Variants in POLR1B observed in about 807,000 individuals in gnomAD.
POLR1B encodes RNA polymerase I subunit B.
POLR1B carries 30 observed loss-of-function variants against 105.8 expected under a neutral mutation model. The ratio of observed to expected loss-of-function variants is 0.28; its 90% CI spans 0.21 to 0.38. The LOEUF (loss-of-function observed/expected upper bound fraction) is 0.38. Ranked by LOEUF, POLR1B falls within the 10% of genes least tolerant of loss-of-function variation. POLR1B has a pLI of 1.00. For synonymous variants in POLR1B, 485 were observed against 505.1 expected (o/e 0.96, Z 0.53); for missense variants, 976 against 1,435.8 (o/e 0.68, Z 5.17).
intron 10 of POLR1B, among the ~76,000 whole-genome samples, chr2:112,566,166 T>A (rs1684263168): frequency 6.6e-6 from 1 of 152,226 alleles, no homozygotes; most frequent in Admixed American, 6.5e-5. Flanking sequence ...TTTTGCTTCC[T>A]CATGATGAGA....
At chr2:112,542,817 A>G in intron 1 of POLR1B, 146 bp downstream of exon 1, 3 of 1,006,570 alleles carry the variant, frequency 3.0e-6, no homozygotes, top group South Asian at 1.6e-5. Context: ...CATGTTAAAC[A>G]GGACGCGGTA....
At chr2:112,574,705 G>C (rs1243179657) in intron 14 of POLR1B, 142 bp from the exon 15 acceptor site, 2 of 775,524 alleles carry the variant, frequency 2.6e-6, no homozygotes, top group Non-Finnish European at 3.8e-6. Flanking sequence ...CTGGGCAACA[G>C]AGTGAGACCC....
chr2:112,565,366 C>A (rs1447276604), intron 10 of POLR1B, among the ~76,000 whole-genome samples: 1 of 152,058 alleles, frequency 6.6e-6, no homozygotes, highest in East Asian at 1.9e-4. Flanking sequence ...TTCTTTTGAA[C>A]CATTTGAGAG....
chr2:112,571,308 A>C (rs1388417445), intron 12 of POLR1B, among the ~76,000 whole-genome samples: 2 of 152,140 alleles, frequency 1.3e-5, no homozygotes, highest in African/African-American at 4.8e-5. Flanking sequence ...TATTATGAAC[A>C]TTGCGAGGAG....
chr2:112,557,022 G>A (rs114244114), intron 7 of POLR1B, among the ~76,000 whole-genome samples: 87 of 152,198 alleles, frequency 5.7e-4, no homozygotes, highest in Non-Finnish European at 8.2e-4. Context: ...GGTGGCTCAC[G>A]CCTGTAATCC....
chr2:112,561,894 A>G (rs2104549113), intron 9 of POLR1B, among the ~76,000 whole-genome samples: 1 of 152,140 alleles, frequency 6.6e-6, no homozygotes, highest in Middle Eastern at 3.4e-3. Context: ...CTGGTCTCGA[A>G]CTCCTGGCCT....
Position 112,575,678 on chromosome 2 carries a change from T to G in POLR1B, c.3357T>G (p.Phe1119Leu), listed in dbSNP as rs1684830528. 1 of 1,613,892 alleles carries G rather than the reference T, an allele frequency of 6.2e-7. No individual in the cohort carries two copies. Among genetic ancestry groups the G allele is most frequent in the African/African-American group, 1.3e-5 (1 of 74,950 alleles). The change falls in exon 15 of 15, where the codon TTT (phenylalanine) becomes TTG (leucine). Residue 1119 changes from phenylalanine (F) to leucine (L), a missense_variant. Around this residue, in one of 12 missense-constraint regions of POLR1B, gnomAD observed 77 missense variants for 104.5 expected, o/e 0.74. Transcript: ENST00000263331. This position sits in a 1 kb window ranked among gnomAD's most constrained non-coding sequence, Gnocchi z 5.3. ...TVSVPYVFRY[F>L]VAELAAMNIK... Reference sequence around the variant, plus strand: ...CTGTGCCTTATGTTTTTCGGTATTTTGTAGCTGAACTGGCAGCTATGAACA... The same window carrying G: ...CTGTGCCTTATGTTTTTCGGTATTTGGTAGCTGAACTGGCAGCTATGAACA...
chr2:112,551,149 T>A, intron 5 of POLR1B, 147 bp downstream of exon 5: 1 of 857,566 alleles, frequency 1.2e-6, no homozygotes, highest in Non-Finnish European at 1.8e-6. Flanking sequence ...TTCAATAGCT[T>A]AAAACTCAAT....
At position 112,551,218 on chromosome 2, in the gene POLR1B, C is replaced by G. The variant is rs7568539; in HGVS notation, c.762+216C>G. Among the ~76,000 whole-genome samples the G allele has an allele frequency of 0.55, 83,508 of 151,960 alleles. 23,242 individuals are homozygous for G. The highest frequency in any genetic ancestry group is 0.69 in the Middle Eastern group (203 of 294). ...AGTTTGGGAGTGCTTTGGCTGGGCA[C>G]TTGTGGCCCAGGGTCTCAGGAGGTT... On this transcript the variant is annotated intron_variant, in intron 5 of 14. Transcript: ENST00000263331.
intron 10 of POLR1B, among the ~76,000 whole-genome samples, chr2:112,567,199 G>A (rs1040278288): frequency 6.6e-6 from 1 of 151,920 alleles, no homozygotes; most frequent in Non-Finnish European, 1.5e-5. Flanking sequence ...TATACTCTTT[G>A]ACCAACATCT....
intron 4 of POLR1B, among the ~76,000 whole-genome samples, chr2:112,549,966 A>G (rs1473820171): frequency 1.3e-4 from 20 of 152,214 alleles, no homozygotes; most frequent in Admixed American, 1.2e-3. Context: ...CACCTTGAAT[A>G]TATATGATTT....
In POLR1B at chr2:112,546,894, G is replaced by A. The variant is rs910603313; in HGVS notation, c.178-118G>A. The A allele has an allele frequency of 5.4e-6, 6 of 1,103,580 alleles. No homozygotes were observed. In the Admixed American group the frequency reaches 1.1e-4, roughly 21 times the overall value. 68.4% of individuals were successfully genotyped at this position (1,103,580 alleles called of 1,614,324 possible). A position where few individuals can be genotyped will look rare whatever the true frequency, so the allele number is the denominator to read the frequency against. Reference sequence around the variant, plus strand: ...AGGTAGCCTTAACTGTCCTTTTTAGGTGTGTCATGGTGGCATCACAGGCAT... The same window carrying A: ...AGGTAGCCTTAACTGTCCTTTTTAGATGTGTCATGGTGGCATCACAGGCAT... On this transcript the variant is annotated intron_variant, in intron 1 of 14. Transcript: ENST00000263331.
At chr2:112,552,593 T>C in intron 6 of POLR1B, 52 bp from the exon 7 acceptor site, 1 of 1,445,068 alleles carries the variant, frequency 6.9e-7, no homozygotes, top group Non-Finnish European at 9.3e-7. Context: ...GAATATTAAG[T>C]AGTATTACCA....
Position 112,574,891 on chromosome 2 carries a change from A to G in POLR1B, c.2570A>G (p.Asn857Ser), listed in dbSNP as rs2104582992. 1.2e-6 allele frequency: 2 copies of G among 1,614,130 alleles called. No individual in the cohort carries two copies. Among genetic ancestry groups the G allele is most frequent in the East Asian group, 2.2e-5 (1 of 44,888 alleles). Reference protein sequence around the residue: ...CVVDNIKVCSNDTGSGKFKCV... With the variant: ...CVVDNIKVCSSDTGSGKFKCV... ...GTGGATAACATCAAAGTGTGCAGTA[A>G]TGACACTGGGAGTGGAAAATTCAAG... The change falls in exon 15 of 15, where the codon AAT becomes AGT. Residue 857 changes from asparagine (N) to serine (S), a missense_variant. Transcript: ENST00000263331.
intron 12 of POLR1B, among the ~76,000 whole-genome samples, chr2:112,570,519 G>A (rs1684536835): frequency 6.6e-6 from 1 of 152,200 alleles, no homozygotes; most frequent in Non-Finnish European, 1.5e-5. Flanking sequence ...CACAAACCTA[G>A]ATGGCAGAGA....
chr2:112,552,602 C>A (rs1340224671), intron 6 of POLR1B, 43 bp from the exon 7 acceptor site: 3 of 1,474,684 alleles, frequency 2.0e-6, no homozygotes, highest in Middle Eastern at 1.8e-4. Context: ...GTAGTATTAC[C>A]AACTGAATTG....
In POLR1B at chr2:112,551,829, G is replaced by C; in HGVS notation, c.817G>C (p.Glu273Gln). The change falls in exon 6 of 15, where the codon GAG (glutamate) becomes CAG (glutamine). Residue 273 changes from glutamate (E) to glutamine (Q), a missense_variant. Around this residue, in one of 12 missense-constraint regions of POLR1B, gnomAD observed 452 missense variants for 616.5 expected, o/e 0.73. Transcript: ENST00000263331. ...CTTTCAGGAGCTCATCAAAGGAAAA[G>C]AGGATGATTCTTTCCTTAGGAACTC... ...QIFQELIKGK[E>Q]DDSFLRNSVS... is the part of the protein sequence containing the mutation. 1.2e-6 allele frequency: 2 copies of C among 1,614,142 alleles called. No homozygotes were observed. Among genetic ancestry groups the C allele is most frequent in the Non-Finnish European group, 1.7e-6 (2 of 1,179,984 alleles).
rs746428603 is a variant in POLR1B at position 112,547,124 on chromosome 2, A to G, written c.290A>G (p.Asn97Ser). 2.9e-5 allele frequency: 47 copies of G among 1,614,096 alleles called. No homozygotes were observed. Among genetic ancestry groups the G allele is most frequent in the Non-Finnish European group, 3.5e-5 (41 of 1,180,050 alleles). The change falls in exon 2 of 15, where the codon AAT becomes AGT. Residue 97 changes from asparagine (N) to serine (S), a missense_variant. Asn to Ser is a conservative substitution (Grantham distance 46). Coordinates refer to ENST00000263331, the MANE Select transcript of POLR1B (RefSeq NM_019014.6). ...AAAGGGACCATCTGCAAAGAGGCCA[A>G]TGTTTATCCAGCAGAATGCCGGGGC... ...VPKGTICKEA[N>S]VYPAECRGRR...
Position 112,551,864 on chromosome 2 carries a change from G to T in POLR1B, c.852G>T (p.Gln284His), listed in dbSNP as rs147178463. Residue 284 changes from glutamine (Q) to histidine (H), a missense_variant, in exon 6 of 15, where the codon CAG becomes CAT. Physicochemically the swap from Gln to His is conservative, Grantham distance 24 (BLOSUM62 0). Around this residue, in one of 12 missense-constraint regions of POLR1B, gnomAD observed 452 missense variants for 616.5 expected, o/e 0.73. Transcript: ENST00000263331. ...CTTTCCTTAGGAACTCTGTTTCTCA[G>T]ATGTTAAGGATTGTAATGGAAGAGG... ...DDSFLRNSVSQMLRIVMEEGC... is the reference protein window; with the variant it reads ...DDSFLRNSVSHMLRIVMEEGC... 13 of 1,613,968 alleles carry T rather than the reference G, an allele frequency of 8.1e-6. No individual in the cohort carries two copies. Among genetic ancestry groups the T allele is most frequent in the African/African-American group, 1.3e-5 (1 of 74,918 alleles).
Sources: gnomAD v4.1 joint callset for allele counts (sites outside exome capture counted in the v4.1 genomes callset) on GRCh38, gnomAD v4.1.1 for gene constraint, gnomAD v4.1.1 regional missense constraint, Gnocchi (gnomAD v3.1) non-coding constraint, MANE v1.5 for transcripts, NCBI Gene and HGNC (gene_info 2026-07-23, HGNC 2026-07-21) for gene names.